The following SPART variants were observed in gnomAD, a reference collection of about 807,000 sequenced individuals.
SPART encodes spartin.
Under a neutral mutation model 58.7 loss-of-function variants are expected in SPART, and 35 were observed. The ratio of observed to expected loss-of-function variants is 0.60; its 90% CI spans 0.46 to 0.79. SPART has a LOEUF of 0.79. Ranked by LOEUF, SPART falls within the 30% of genes least tolerant of loss-of-function variation. SPART has a pLI of 0.00. For synonymous variants in SPART, 284 were observed against 280.7 expected, an observed-to-expected ratio of 1.01 and a Z score of -0.12; for missense variants, 730 against 786.1, an observed-to-expected ratio of 0.93 and a Z score of 0.85.
intron 8 of SPART, among the ~76,000 whole-genome samples, chr13:36,305,152 G>A (rs1240474878): frequency 1.3e-5 from 2 of 152,068 alleles, no homozygotes; most frequent in East Asian, 1.9e-4. Flanking sequence ...TGGCCTCCTT[G>A]CTGTTCCTTG....
chr13:36,339,627 C>CAAAAAAAAAAAAAAAAAAAAAA (rs71084420), intron 1 of SPART, among the ~76,000 whole-genome samples: 2 of 38,808 alleles, frequency 5.2e-5, no homozygotes, highest in Admixed American at 4.3e-4. Flanking sequence ...ACGACTCCAT[C>CAAAAAAAAAAAAAAAAAAAAAA]AAAAAAAAAA....
At chr13:36,337,569 C>T (rs573766450) in intron 1 of SPART, among the ~76,000 whole-genome samples, 59 of 152,192 alleles carry the variant, frequency 3.9e-4, no homozygotes, top group Non-Finnish European at 7.2e-4. Context: ...TCTTTGCTTC[C>T]CCTTCATCTT....
At chr13:36,362,662 G>A (rs1381453031) in intron 1 of SPART, among the ~76,000 whole-genome samples, 1 of 148,250 alleles carries the variant, frequency 6.7e-6, no homozygotes, top group Non-Finnish European at 1.5e-5. Flanking sequence ...TCTTGAGTAG[G>A]AGGAGCCCTA....
At chr13:36,338,715 AT>A (rs760110631) in intron 1 of SPART, among the ~76,000 whole-genome samples, 18 of 152,192 alleles carry the variant, frequency 1.2e-4, no homozygotes, top group Admixed American at 2.6e-4. Context: ...TTACACATTG[AT>A]TATTGAGACC....
rs1471229592 is a variant in SPART, at chr13:36,314,408, C to G, written c.1302G>C (p.Val434=). ...CAGCACCTTTGACTAAACCCCAACT[C>G]ACCCAGGAAGCACCTTTTTAAAAGA... ...AHNILSGASW[V]SWGLVKGAEI... is the part of the protein sequence containing the mutation. The change falls in exon 6 of 9, where the codon GTG becomes GTC. Residue 434 remains valine, a synonymous_variant. Coordinates refer to ENST00000438666, the MANE Select transcript of SPART (RefSeq NM_015087.5). 1.2e-6 allele frequency: 2 copies of G among 1,614,120 alleles called. No individual in the cohort carries two copies. Among genetic ancestry groups the G allele is most frequent in the South Asian group, 2.2e-5 (2 of 91,080 alleles).
At chr13:36,308,638 T>A (rs1171235137) in intron 8 of SPART, among the ~76,000 whole-genome samples, 1 of 644 alleles carries the variant, frequency 1.6e-3, no homozygotes, top group African/African-American at 6.8e-3. Context: ...GTTAGGTAAG[T>A]TTTTTTTTTT....
chr13:36,316,245 T>G (rs777654621), intron 5 of SPART, among the ~76,000 whole-genome samples: 6 of 152,196 alleles, frequency 3.9e-5, no homozygotes, highest in Non-Finnish European at 8.8e-5. Context: ...TTTACTGAAC[T>G]AAAGAAAGCT....
chr13:36,339,637 A>AC (rs1884378004), intron 1 of SPART, among the ~76,000 whole-genome samples: 1 of 149,668 alleles, frequency 6.7e-6, no homozygotes, highest in Non-Finnish European at 1.5e-5. Context: ...CAAAAAAAAA[A>AC]AAAAAAAAAA....
chr13:36,342,762 G>A (rs572233487), intron 1 of SPART, among the ~76,000 whole-genome samples: 1 of 152,168 alleles, frequency 6.6e-6, no homozygotes, highest in South Asian at 2.1e-4. Context: ...AGTCTTCCAT[G>A]GGACATACAC....
intron 5 of SPART, among the ~76,000 whole-genome samples, chr13:36,322,714 A>G: frequency 6.6e-6 from 1 of 152,206 alleles, no homozygotes; most frequent in Admixed American, 6.5e-5. Flanking sequence ...TTCCAATCAT[A>G]TGACATGTAT....
chr13:36,344,264 A>T (rs1884847325), intron 1 of SPART, among the ~76,000 whole-genome samples: 1 of 152,208 alleles, frequency 6.6e-6, no homozygotes. Flanking sequence ...GCTAGAAGCA[A>T]TATTTACCTT....
At position 36,312,173 on chromosome 13, in the gene SPART, C is replaced by T; in HGVS notation, c.1705G>A (p.Ala569Thr). ...TATCTGACAGTTTGTACAGTTTCTG[C>T]TGAAACATTGTTAACGATGCATTTA... ...AAKCIVNNVS[A>T]ETVQTVRYKY... is the part of the protein sequence containing the mutation. The change falls in exon 8 of 9, where the codon GCA becomes ACA. Residue 569 changes from alanine to threonine, a missense_variant. Physicochemically the swap from Ala to Thr is moderately conservative, Grantham distance 58. Transcript: ENST00000438666. 6.2e-7 allele frequency: 1 copy of T among 1,614,074 alleles called. No individual in the cohort carries two copies. Among genetic ancestry groups the T allele is most frequent in the Non-Finnish European group, 8.5e-7 (1 of 1,179,930 alleles).
chr13:36,304,389 C>T lies in SPART; in HGVS notation c.1977G>A (p.Lys659=), dbSNP rs1164114368. ...GEKDEQTKEV[K]EAKKKDK ...ATCATTTATCTTTCTTCTTTGCCTC[C>T]TTTACTTCCTTCGTCTGCTCATCCT... is the stretch of plus-strand genomic sequence containing the variant. Residue 659 remains lysine, a synonymous_variant, in exon 9 of 9, where the codon AAG becomes AAA. Coordinates refer to ENST00000438666, the MANE Select transcript of SPART (RefSeq NM_015087.5). 34 of 1,613,946 alleles carry T rather than the reference C, an allele frequency of 2.1e-5. No individual in the cohort carries two copies. Among genetic ancestry groups the T allele is most frequent in the Non-Finnish European group, 2.9e-5 (34 of 1,179,986 alleles).
chr13:36,331,508 A>T lies in SPART; in HGVS notation c.899T>A (p.Leu300Gln). 1 of 1,614,122 alleles carries T rather than the reference A, an allele frequency of 6.2e-7. No individual in the cohort carries two copies. Among genetic ancestry groups the T allele is most frequent in the Non-Finnish European group, 8.5e-7 (1 of 1,179,988 alleles). ...CCCCACAAAGCATCCTGCTGCTTGT[A>T]GCATTGTATCAGGAAACATGTAGGC... ...AGAYMFPDTM[L>Q]QAAGCFVGVV... Residue 300 changes from leucine (L) to glutamine (Q), a missense_variant, in exon 3 of 9, where the codon CTA (leucine) becomes CAA (glutamine). Leu to Gln is a moderately radical substitution (Grantham distance 113). Coordinates refer to ENST00000438666, the MANE Select transcript of SPART (RefSeq NM_015087.5).
intron 8 of SPART, among the ~76,000 whole-genome samples, chr13:36,308,831 T>C (rs1880777300): frequency 6.8e-6 from 1 of 147,438 alleles, no homozygotes; most frequent in Admixed American, 6.9e-5. Context: ...CATAAAACAA[T>C]GAATGAATAT....
In SPART at chr13:36,302,210, ATACCT is replaced by A. The variant is rs747194340; in HGVS notation, c.*2150_*2154del. ...GAGTTTTTAAGTGTTGTTATTCATCATACCTTACAAGTAATATATAATTTTATCTA... is the reference window on the plus strand; with the variant it reads ...GAGTTTTTAAGTGTTGTTATTCATCATACAAGTAATATATAATTTTATCTA... On this transcript the variant is annotated 3_prime_UTR_variant, in exon 9 of 9. Coordinates refer to ENST00000438666, the MANE Select transcript of SPART (RefSeq NM_015087.5). 169 of 151,236 alleles carry A rather than the reference ATACCT, an allele frequency of 1.1e-3. 1 individual carries two copies. Among genetic ancestry groups the A allele is most frequent in the Admixed American group, 1.1e-3 (16 of 15,046 alleles). The allele number at this position is 151,236 out of a possible 1,614,324, so 9.4% of individuals were successfully genotyped here. A position where few individuals can be genotyped will look rare whatever the true frequency, so the allele number is the denominator to read the frequency against.
chr13:36,370,124 T>C (rs1593301574), exon 1 of SPART: 1 of 152,268 alleles, frequency 6.6e-6, no homozygotes, highest in East Asian at 1.9e-4. Context: ...TCACTTATGA[T>C]TTCCTTCCAG....
intron 1 of SPART, among the ~76,000 whole-genome samples, chr13:36,362,000 T>A (rs1885879413): frequency 6.6e-6 from 1 of 152,106 alleles, no homozygotes; most frequent in Admixed American, 6.5e-5. Flanking sequence ...CCTAGGACAC[T>A]CCATTGTAGG....
At chr13:36,345,537 C>T (rs1256398109) in intron 1 of SPART, 1 of 152,124 alleles carries the variant, frequency 6.6e-6, no homozygotes, top group African/African-American at 2.4e-5. Flanking sequence ...CGAGGATCCT[C>T]GGTGGACTAC....
Sources: allele counts gnomAD v4.1 joint callset (sites outside exome capture counted in the v4.1 genomes callset), GRCh38; gene constraint gnomAD v4.1.1; transcripts MANE v1.5; gene names NCBI Gene and HGNC (gene_info 2026-07-23, HGNC 2026-07-21).